FAT3: variants seen among roughly 807,000 people sequenced by gnomAD.
The protein encoded by FAT3 is FAT atypical cadherin 3, also known as protocadherin Fat 3.
A neutral mutation model predicts 310.2 loss-of-function variants in FAT3; 95 were observed. The ratio of observed to expected loss-of-function variants is 0.31; its 90% CI spans 0.26 to 0.36. The LOEUF (loss-of-function observed/expected upper bound fraction) is 0.36. FAT3 is among the 10% of genes least tolerant of loss of function. The pLI is 1.00. For synonymous variants in FAT3, 2,314 were observed against 2,192.9 expected (o/e 1.06, Z -1.54); for missense variants, 5,408 against 5,715.6 (o/e 0.95, Z 1.74).
intron 3 of FAT3, among the ~76,000 whole-genome samples, chr11:92,526,676 C>G (rs191857859): frequency 2.0e-5 from 3 of 152,238 alleles, no homozygotes; most frequent in Admixed American, 2.0e-4. Flanking sequence ...TTTTATATGG[C>G]TTTTAAAAGT....
At chr11:92,431,907 T>C (rs1208491694) in intron 2 of FAT3, among the ~76,000 whole-genome samples, 1 of 152,210 alleles carries the variant, frequency 6.6e-6, no homozygotes, top group Non-Finnish European at 1.5e-5. Flanking sequence ...TGTGGCCTTG[T>C]AGTATAGTTT....
chr11:92,417,308 T>C (rs1472975640), intron 2 of FAT3, among the ~76,000 whole-genome samples: 1 of 152,224 alleles, frequency 6.6e-6, no homozygotes, highest in African/African-American at 2.4e-5. Flanking sequence ...AGGGAATCTA[T>C]TTTAAATTGT....
chr11:92,674,643 C>T (rs1228984778), intron 3 of FAT3, among the ~76,000 whole-genome samples: 1 of 152,048 alleles, frequency 6.6e-6, no homozygotes, highest in Admixed American at 6.5e-5. Flanking sequence ...CCACCTCAGC[C>T]TCCCAAGTAA....
intron 1 of FAT3, among the ~76,000 whole-genome samples, chr11:92,341,419 A>T (rs1948259471): frequency 6.6e-6 from 1 of 152,146 alleles, no homozygotes; most frequent in Non-Finnish European, 1.5e-5. Flanking sequence ...AATCCAGGCA[A>T]TGTGGGCTTA....
At chr11:92,446,287 C>T (rs997982769) in intron 2 of FAT3, among the ~76,000 whole-genome samples, 65 of 152,178 alleles carry the variant, frequency 4.3e-4, no homozygotes, top group Non-Finnish European at 7.3e-5. Flanking sequence ...GAATGTGTTA[C>T]TATTCCCATT....
intron 1 of FAT3, among the ~76,000 whole-genome samples, chr11:92,237,152 T>G (rs2134242823): frequency 6.6e-6 from 1 of 152,304 alleles, no homozygotes; most frequent in South Asian, 2.1e-4. Flanking sequence ...TTGGATTTTG[T>G]TATGCAAAAG....
chr11:92,795,875 T>A (rs774544976), intron 9 of FAT3, among the ~76,000 whole-genome samples: 11 of 151,872 alleles, frequency 7.2e-5, no homozygotes, highest in Non-Finnish European at 1.5e-4. Context: ...ACCACTGCAC[T>A]CCAGCCTGGA....
At chr11:92,347,965 T>A (rs556608173) in intron 1 of FAT3, among the ~76,000 whole-genome samples, 356 of 152,058 alleles carry the variant, frequency 2.3e-3, no homozygotes, top group African/African-American at 8.0e-3. Flanking sequence ...ATATTATTTT[T>A]AAAAAAAACT....
chr11:92,840,607 G>C lies in FAT3; in HGVS notation c.10414G>C (p.Asp3472His). The C allele has an allele frequency of 6.2e-7, 1 of 1,609,980 alleles. No homozygotes were observed. The highest frequency in any genetic ancestry group is 8.5e-7 in the Non-Finnish European group (1 of 1,176,524). The change falls in exon 18 of 28, where the codon GAC becomes CAC. Residue 3472 changes from aspartate to histidine, a missense_variant. Asp to His is a moderately conservative substitution (Grantham distance 81, BLOSUM62 -1). This residue lies in a region of FAT3 where 4,588 missense variants were observed against 4,809.8 expected (regional missense o/e 0.95). Coordinates refer to ENST00000525166, the MANE Select transcript of FAT3 (RefSeq NM_001367949.2). ...CAGCATCTTGCAGCTGGTGGTGACA[G>C]ACAGAGACTCCTTTCACAATGGGCC... ...GTSILQLVVT[D>H]RDSFHNGPPF...
chr11:92,338,048 C>T (rs1286697575), intron 1 of FAT3, among the ~76,000 whole-genome samples: 1 of 152,054 alleles, frequency 6.6e-6, no homozygotes, highest in African/African-American at 2.4e-5. Context: ...GATCTGAACT[C>T]CTTGGGTGGA....
chr11:92,331,063 G>A (rs1275494839), intron 1 of FAT3, among the ~76,000 whole-genome samples: 1 of 151,310 alleles, frequency 6.6e-6, no homozygotes. Flanking sequence ...GCTATACACA[G>A]TTGTTTAAAT....
intron 3 of FAT3, among the ~76,000 whole-genome samples, chr11:92,686,176 A>G (rs143791367): frequency 1.5e-3 from 230 of 152,280 alleles, no homozygotes; most frequent in African/African-American, 5.3e-3. Context: ...GTGAAATGCC[A>G]CTGATTCAGA....
At chr11:92,674,414 G>A (rs1342375799) in intron 3 of FAT3, among the ~76,000 whole-genome samples, 1 of 151,706 alleles carries the variant, frequency 6.6e-6, no homozygotes, top group Non-Finnish European at 1.5e-5. Flanking sequence ...GAAACATTGA[G>A]ACCCTGGAGT....
At chr11:92,538,093 G>A (rs529164473) in intron 3 of FAT3, among the ~76,000 whole-genome samples, 1 of 152,118 alleles carries the variant, frequency 6.6e-6, no homozygotes, top group Non-Finnish European at 1.5e-5. Context: ...TGTGAATTAA[G>A]CCCTGTCTCT....
chr11:92,274,009 G>A (rs1363732136), intron 1 of FAT3, among the ~76,000 whole-genome samples: 1 of 152,068 alleles, frequency 6.6e-6, no homozygotes, highest in East Asian at 1.9e-4. Context: ...ATAATGAAAT[G>A]TCTGCTGTTA....
At chr11:92,503,266 A>G (rs955062234) in intron 2 of FAT3, among the ~76,000 whole-genome samples, 4 of 152,144 alleles carry the variant, frequency 2.6e-5, no homozygotes, top group Admixed American at 2.6e-4. Context: ...ACCTGATTAT[A>G]ATATGCATAT....
chr11:92,344,509 G>T (rs1305654119), intron 1 of FAT3, among the ~76,000 whole-genome samples: 2 of 152,144 alleles, frequency 1.3e-5, no homozygotes, highest in African/African-American at 4.8e-5. Flanking sequence ...AGTGATTCTG[G>T]CAATTTTAAT....
At chr11:92,793,484 T>C (rs888080493) in intron 9 of FAT3, among the ~76,000 whole-genome samples, 5 of 152,124 alleles carry the variant, frequency 3.3e-5, no homozygotes, top group East Asian at 1.9e-4. Context: ...ATGGTAGATA[T>C]GGAGTCTGAA....
intron 2 of FAT3, among the ~76,000 whole-genome samples, chr11:92,507,712 CAT>C (rs987878667): frequency 6.6e-6 from 1 of 151,596 alleles, no homozygotes; most frequent in Admixed American, 6.6e-5. Flanking sequence ...ATATATACAA[CAT>C]ATACATGTAT....
Sources: gnomAD v4.1 joint callset for allele counts (sites outside exome capture counted in the v4.1 genomes callset) on GRCh38, gnomAD v4.1.1 for gene constraint, gnomAD v4.1.1 regional missense constraint, MANE v1.5 for transcripts, NCBI Gene and HGNC (gene_info 2026-07-23, HGNC 2026-07-21) for gene names.